The following FILIP1 variants were observed in gnomAD, a reference collection of about 807,000 sequenced individuals.
The protein encoded by FILIP1 is filamin-A-interacting protein 1.
FILIP1 carries 61 observed loss-of-function variants against 102.1 expected under a neutral mutation model. That is an observed-to-expected ratio of 0.60 (90% CI 0.49 to 0.74). The LOEUF is 0.74. FILIP1 is among the 30% of genes least tolerant of loss of function. The probability of loss-of-function intolerance (pLI) is 0.00; values close to 1 mark genes in which losing one functional copy is unlikely to be tolerated. For missense variants in FILIP1, 1,314 were observed against 1,441.2 expected (o/e 0.91, Z 1.43); for synonymous variants, 491 against 526.9 (o/e 0.93, Z 0.93).
chr6:75,401,177 C>G (rs144550170), intron 2 of FILIP1, among the ~76,000 whole-genome samples: 1 of 152,288 alleles, frequency 6.6e-6, no homozygotes, highest in Non-Finnish European at 1.5e-5. Flanking sequence ...CCTTGGAAAA[C>G]ACACCTTCTA....
intron 1 of FILIP1, among the ~76,000 whole-genome samples, chr6:75,460,554 A>G (rs887287659): frequency 6.6e-6 from 1 of 152,218 alleles, no homozygotes; most frequent in African/African-American, 2.4e-5. Context: ...TACAAAGTAG[A>G]TATCTAGGAA....
chr6:75,379,285 T>C (rs1363997525), intron 2 of FILIP1, among the ~76,000 whole-genome samples: 4 of 152,318 alleles, frequency 2.6e-5, no homozygotes, highest in Admixed American at 6.5e-5. Flanking sequence ...TTTTAAAATA[T>C]AGAAATACAT....
In FILIP1 at chr6:75,315,061, G is replaced by A. The variant is rs746247358; in HGVS notation, c.771C>T (p.His257=). 6.2e-7 allele frequency: 1 copy of A among 1,614,114 alleles called. No homozygotes were observed. Among genetic ancestry groups the A allele is most frequent in the Non-Finnish European group, 8.5e-7 (1 of 1,180,002 alleles). ...GGCTTTGCAGGCCAAGTTGTTCAAT[G>A]TGCATTTGTCTTTCATCCACCAGCA... The part of the protein sequence containing the change: ...ALMLVDERQM[H]IEQLGLQSQK... Residue 257 remains histidine (H), a synonymous_variant, in exon 5 of 6, where the codon CAC becomes CAT. Coordinates refer to ENST00000237172, the MANE Select transcript of FILIP1 (RefSeq NM_015687.5).
At chr6:75,464,966 T>G (rs11754006) in intron 1 of FILIP1, among the ~76,000 whole-genome samples, 59,321 of 152,024 alleles carry the variant, frequency 0.39, 12,948 homozygotes, top group Non-Finnish European at 0.52. Context: ...CTATTACTAT[T>G]GCTACCACCC....
chr6:75,433,069 G>T (rs886131298), intron 1 of FILIP1, among the ~76,000 whole-genome samples: 3 of 152,156 alleles, frequency 2.0e-5, no homozygotes, highest in Non-Finnish European at 4.4e-5. Flanking sequence ...TCTTAATCCA[G>T]TCTATCACTG....
rs561844317 is a variant in FILIP1 at position 75,459,658 on chromosome 6, T to C, written c.-7+33756A>G. ...GAAACATCCACCTTATCATTGTTAT[T>C]TATATTAACATCTACATTCCCTTTT... On this transcript the variant is annotated intron_variant, in intron 1 of 5. Transcript: ENST00000237172. Among the ~76,000 whole-genome samples the C allele has an allele frequency of 5.3e-5, 8 of 152,324 alleles. No homozygotes were observed. In the South Asian group the frequency reaches 8.3e-4, roughly 16 times the overall value.
intron 4 of FILIP1, among the ~76,000 whole-genome samples, chr6:75,327,509 A>T (rs4131550): frequency 1.3e-5 from 2 of 150,126 alleles, no homozygotes; most frequent in African/African-American, 4.9e-5. Context: ...GGGCAGGATC[A>T]GTATTTTAAG....
intron 1 of FILIP1, among the ~76,000 whole-genome samples, chr6:75,465,878 G>C (rs1033631935): frequency 2.0e-5 from 3 of 152,150 alleles, no homozygotes; most frequent in Non-Finnish European, 4.4e-5. Flanking sequence ...TGGTCTACAA[G>C]ACTCTGCTTG....
chr6:75,385,671 C>T (rs1776068410), intron 2 of FILIP1: 6 of 152,040 alleles, frequency 3.9e-5, no homozygotes, highest in Admixed American at 3.9e-4. Flanking sequence ...CTGAAGTCAA[C>T]CAGGAACTGG....
intron 4 of FILIP1, among the ~76,000 whole-genome samples, chr6:75,336,113 T>G (rs571363778): frequency 6.6e-6 from 1 of 152,292 alleles, no homozygotes; most frequent in South Asian, 2.1e-4. Context: ...TTAGCTATTT[T>G]TTAATATGGA....
chr6:75,360,960 A>G (rs1775155778), intron 3 of FILIP1: 1 of 151,900 alleles, frequency 6.6e-6, no homozygotes. Context: ...AACAGACCCA[A>G]AATGTGTAAG....
chr6:75,477,970 G>A (rs1562655967), intron 1 of FILIP1, among the ~76,000 whole-genome samples: 1 of 152,208 alleles, frequency 6.6e-6, no homozygotes, highest in Non-Finnish European at 1.5e-5. Context: ...GTTGGAACTA[G>A]AGCACAGTTT....
chr6:75,351,030 T>C (rs1774780559), intron 4 of FILIP1, among the ~76,000 whole-genome samples: 1 of 152,180 alleles, frequency 6.6e-6, no homozygotes. Flanking sequence ...GATGGTGGTG[T>C]GCCTGAGGCA....
At chr6:75,360,057 C>A (rs1582394144) in intron 3 of FILIP1, among the ~76,000 whole-genome samples, 1 of 152,182 alleles carries the variant, frequency 6.6e-6, no homozygotes, top group Non-Finnish European at 1.5e-5. Flanking sequence ...ACAGGCTCCA[C>A]CTAACCTCGA....
chr6:75,465,569 AT>A (rs1779138139), intron 1 of FILIP1: 1 of 480,784 alleles, frequency 2.1e-6, no homozygotes, highest in Non-Finnish European at 3.6e-6. Flanking sequence ...TTTCACAGCA[AT>A]TAAAAAAAAA....
intron 4 of FILIP1, among the ~76,000 whole-genome samples, chr6:75,348,099 T>C (rs1774658761): frequency 1.5e-5 from 1 of 65,956 alleles, no homozygotes; most frequent in Non-Finnish European, 3.6e-5. Context: ...ACACACACTT[T>C]TCCCTCAAAT....
intron 1 of FILIP1, among the ~76,000 whole-genome samples, chr6:75,490,481 T>G (rs911350401): frequency 7.2e-5 from 11 of 152,148 alleles, no homozygotes; most frequent in African/African-American, 2.4e-4. Context: ...TTTAAATGTT[T>G]TCTTGTTCAA....
At chr6:75,347,697 A>AAG (rs1317196731) in intron 4 of FILIP1, among the ~76,000 whole-genome samples, 2 of 68,216 alleles carry the variant, frequency 2.9e-5, no homozygotes, top group African/African-American at 1.8e-4. Flanking sequence ...GTTTTCAAAA[A>AAG]CGTTGATTCT....
At chr6:75,387,811 A>C (rs1349018608) in intron 2 of FILIP1, among the ~76,000 whole-genome samples, 2 of 151,884 alleles carry the variant, frequency 1.3e-5, no homozygotes, top group African/African-American at 4.8e-5. Flanking sequence ...GATTGCAAAA[A>C]TTTTCTCCCA....
Sources: allele counts gnomAD v4.1 joint callset (sites outside exome capture counted in the v4.1 genomes callset), GRCh38; gene constraint gnomAD v4.1.1; transcripts MANE v1.5; gene names NCBI Gene and HGNC (gene_info 2026-07-23, HGNC 2026-07-21).